Variants in MALT1 observed in about 807,000 individuals in gnomAD.
MALT1 encodes mucosa-associated lymphoid tissue lymphoma translocation protein 1.
Under a neutral mutation model 85.5 loss-of-function variants are expected in MALT1, and 36 were observed. The observed-to-expected ratio is 0.42, with a 90% confidence interval of 0.32 to 0.56. The LOEUF is 0.56. Ranked by LOEUF, MALT1 falls within the 20% of genes least tolerant of loss-of-function variation. The pLI is 0.10. For synonymous variants in MALT1, 359 were observed against 361.3 expected, an observed-to-expected ratio of 0.99 and a Z score of 0.07; for missense variants, 716 against 981.6, an observed-to-expected ratio of 0.73 and a Z score of 3.62.
chr18:58,742,002 G>A lies in MALT1; in HGVS notation c.1741G>A (p.Ala581Thr). ...ATCTCTTGTGCGGAATCTACAGTGG[G>A]CCAAGGCTCATGGTACGGTAAAGCC... The part of the protein sequence containing the change: ...AESLVRNLQW[A>T]KAHELPESMC... The change falls in exon 14 of 17, where the codon GCC becomes ACC. Residue 581 changes from alanine (A) to threonine (T), a missense_variant. Physicochemically the swap from Ala to Thr is moderately conservative, Grantham distance 58. Transcript: ENST00000649217. The A allele has an allele frequency of 6.5e-7, 1 of 1,529,188 alleles. No homozygotes were observed. The highest frequency in any genetic ancestry group is 1.3e-5 in the South Asian group (1 of 79,000). The allele number at this position is 1,529,188 out of a possible 1,614,324, so 94.7% of individuals were successfully genotyped here. A position where few individuals can be genotyped will look rare whatever the true frequency, so the allele number is the denominator to read the frequency against.
At chr18:58,717,307 G>T (rs1483469868) in intron 9 of MALT1, among the ~76,000 whole-genome samples, 1 of 151,404 alleles carries the variant, frequency 6.6e-6, no homozygotes, top group Non-Finnish European at 1.5e-5. Flanking sequence ...AGGTTGTGGT[G>T]AGCTGAGATC....
intron 2 of MALT1, among the ~76,000 whole-genome samples, chr18:58,694,181 T>G (rs532103866): frequency 6.6e-6 from 1 of 152,362 alleles, no homozygotes; most frequent in East Asian, 1.9e-4. Flanking sequence ...GGCAAGAGTT[T>G]AAAATTCTGA....
At position 58,700,916 on chromosome 18, in the gene MALT1, C is replaced by T. The variant is rs542580501; in HGVS notation, c.649+325C>T. On this transcript the variant is annotated intron_variant, in intron 4 of 16. Transcript: ENST00000649217. Reference sequence around the variant, plus strand: ...AAGTGATTCCTCTTGCCTTATCCTCCTGAGTAGCTGGGATTACAGGCACAT... The same window carrying T: ...AAGTGATTCCTCTTGCCTTATCCTCTTGAGTAGCTGGGATTACAGGCACAT... 2.6e-5 allele frequency among the ~76,000 whole-genome samples: 4 copies of T among 152,190 alleles called. No homozygotes were observed. The South Asian group carries it at 8.3e-4, about 32-fold the overall frequency.
At chr18:58,711,820 T>C (rs543750791) in intron 7 of MALT1, among the ~76,000 whole-genome samples, 16 of 152,350 alleles carry the variant, frequency 1.1e-4, no homozygotes, top group African/African-American at 3.8e-4. Flanking sequence ...CTATAATTAC[T>C]GTTTTCATCC....
rs1006551379 is a variant in MALT1, at chr18:58,750,329, G to C, written c.*2487G>C. ...TGAATATTGGTAAGATGGCAATGCT[G>C]CCCAAATTAGTCTACATATTCAACA... On this transcript the variant is annotated 3_prime_UTR_variant, in exon 17 of 17. Coordinates refer to ENST00000649217, the MANE Select transcript of MALT1 (RefSeq NM_006785.4). The C allele has an allele frequency of 1.3e-5, 2 of 156,412 alleles. No individual in the cohort carries two copies. Among genetic ancestry groups the C allele is most frequent in the African/African-American group, 4.8e-5 (2 of 41,588 alleles). The allele number at this position is 156,412 out of a possible 1,614,324, so 9.7% of individuals were successfully genotyped here.
Position 58,744,324 on chromosome 18 carries a change from T to C in MALT1, c.1754-14T>C, listed in dbSNP as rs377202012. Reference sequence around the variant, plus strand: ...AGAAAACCTACCAAAGTTGTTCTTATTGTTCTTTTTCAGAACTTCCAGAAA... The same window carrying C: ...AGAAAACCTACCAAAGTTGTTCTTACTGTTCTTTTTCAGAACTTCCAGAAA... On this transcript the variant is annotated splice_polypyrimidine_tract_variant and intron_variant, in intron 14 of 16. Transcript: ENST00000649217. 1.3e-5 allele frequency: 21 copies of C among 1,582,326 alleles called. No homozygotes were observed. Among genetic ancestry groups the C allele is most frequent in the South Asian group, 1.3e-4 (11 of 85,290 alleles).
intron 8 of MALT1, among the ~76,000 whole-genome samples, chr18:58,715,635 T>C (rs953069302): frequency 6.6e-6 from 1 of 152,146 alleles, no homozygotes; most frequent in Non-Finnish European, 1.5e-5. Context: ...TCCTTATCTA[T>C]ATAATGGGGT....
intron 10 of MALT1, among the ~76,000 whole-genome samples, chr18:58,726,651 A>G (rs1471900053): frequency 6.6e-6 from 1 of 152,230 alleles, no homozygotes; most frequent in African/African-American, 2.4e-5. Flanking sequence ...ACCAGAAATA[A>G]CTGTCCTTAA....
At chr18:58,693,595 G>A (rs1015022245) in intron 2 of MALT1, among the ~76,000 whole-genome samples, 1 of 152,184 alleles carries the variant, frequency 6.6e-6, no homozygotes, top group Non-Finnish European at 1.5e-5. Flanking sequence ...CAATGCAGCT[G>A]ACAACTTTAC....
intron 7 of MALT1, among the ~76,000 whole-genome samples, chr18:58,712,895 T>C (rs1474130161): frequency 6.6e-6 from 1 of 152,166 alleles, no homozygotes; most frequent in Non-Finnish European, 1.5e-5. Flanking sequence ...CTATTCTGTA[T>C]GATTAATGAT....
At chr18:58,738,891 A>G (rs550430588) in intron 13 of MALT1, among the ~76,000 whole-genome samples, 1 of 152,316 alleles carries the variant, frequency 6.6e-6, no homozygotes, top group East Asian at 1.9e-4. Context: ...ACAATTGAAT[A>G]GGTAGTTGTG....
chr18:58,734,908 T>C (rs931369101), intron 12 of MALT1, among the ~76,000 whole-genome samples: 2 of 152,258 alleles, frequency 1.3e-5, no homozygotes, highest in African/African-American at 4.8e-5. Flanking sequence ...TGACAAGTTA[T>C]AATTGTATGT....
intron 10 of MALT1, among the ~76,000 whole-genome samples, chr18:58,727,616 G>GTGTTTTTTTTTT (rs2055077198): frequency 9.9e-5 from 12 of 121,264 alleles, no homozygotes; most frequent in African/African-American, 3.6e-4. Context: ...GGTTTTTTGT[G>GTGTTTTTTTTTT]TTTTTTTTTT....
intron 10 of MALT1, among the ~76,000 whole-genome samples, chr18:58,732,811 T>G (rs78977754): frequency 0.052 from 7,858 of 151,678 alleles, 332 homozygotes; most frequent in East Asian, 0.22. Flanking sequence ...TATTATACTA[T>G]TGGTTACAAA....
intron 10 of MALT1, among the ~76,000 whole-genome samples, chr18:58,727,350 C>G (rs1266018925): frequency 6.6e-6 from 1 of 152,100 alleles, no homozygotes; most frequent in East Asian, 1.9e-4. Flanking sequence ...GTCGCCCAGG[C>G]TGGAGTGCGG....
intron 7 of MALT1, among the ~76,000 whole-genome samples, chr18:58,713,696 A>T (rs77677647): frequency 6.6e-6 from 1 of 152,224 alleles, no homozygotes; most frequent in Non-Finnish European, 1.5e-5. Context: ...TATGGGGTAT[A>T]TAGGAACTCT....
chr18:58,735,110 C>G, intron 12 of MALT1, 92 bp from the exon 13 acceptor site: 1 of 1,169,486 alleles, frequency 8.6e-7, no homozygotes, highest in Non-Finnish European at 1.2e-6. Context: ...GGGTGCTTCT[C>G]TGAGTTCATT....
chr18:58,701,453 T>C (rs2054671493), intron 4 of MALT1, among the ~76,000 whole-genome samples: 1 of 152,214 alleles, frequency 6.6e-6, no homozygotes. Flanking sequence ...ACCTCTATTA[T>C]AGAACTCGTT....
Position 58,710,180 on chromosome 18 carries a change from T to C in MALT1, c.925+108T>C, listed in dbSNP as rs879797083. 1.5e-5 allele frequency: 9 copies of C among 588,268 alleles called. No individual in the cohort carries two copies. The Admixed American group carries it at 2.7e-4, about 18-fold the overall frequency. The allele number at this position is 588,268 out of a possible 1,614,324, so 36.4% of individuals were successfully genotyped here. The stretch of plus-strand genomic sequence containing the variant: ...ATTATACTTTTTACCCCATACTATT[T>C]AATGATGTGTTAAGCATTAGAAGTT... On this transcript the variant is annotated intron_variant, in intron 6 of 16. Coordinates refer to ENST00000649217, the MANE Select transcript of MALT1 (RefSeq NM_006785.4).
Sources: allele counts gnomAD v4.1 joint callset (sites outside exome capture counted in the v4.1 genomes callset), GRCh38; gene constraint gnomAD v4.1.1; transcripts MANE v1.5; gene names NCBI Gene and HGNC (gene_info 2026-07-23, HGNC 2026-07-21).